The following GLDC variants were observed in gnomAD, a reference collection of about 807,000 sequenced individuals.
The protein encoded by GLDC is glycine decarboxylase.
Under a neutral mutation model 121.3 loss-of-function variants are expected in GLDC, and 104 were observed. That is an observed-to-expected ratio of 0.86 (90% CI 0.73 to 1.01). The LOEUF (loss-of-function observed/expected upper bound fraction) is 1.01, where lower values mean the gene tolerates loss of function less well. Ranked by LOEUF, GLDC falls within the 50% of genes least tolerant of loss-of-function variation. The pLI is 0.00. For synonymous variants in GLDC, 546 were observed against 480.6 expected (o/e 1.14, Z -1.78); for missense variants, 1,429 against 1,306.6 (o/e 1.09, Z -1.44).
At chr9:6,554,959 C>T (rs1817592177) in intron 18 of GLDC, 178 bp from the exon 19 acceptor site, 2 of 670,650 alleles carry the variant, frequency 3.0e-6, no homozygotes, top group Admixed American at 4.3e-5. Context: ...CACAAACTGG[C>T]ATCCGATAGG....
chr9:6,609,583 C>T (rs947160737), intron 4 of GLDC, among the ~76,000 whole-genome samples: 4 of 151,998 alleles, frequency 2.6e-5, no homozygotes, highest in Non-Finnish European at 5.9e-5. Context: ...GGGGGAGATC[C>T]TCACGTCTGA....
chr9:6,560,621 A>C (rs978411261), intron 16 of GLDC, among the ~76,000 whole-genome samples: 1 of 152,226 alleles, frequency 6.6e-6, no homozygotes, highest in African/African-American at 2.4e-5. Context: ...ATTGATAAGA[A>C]GGAGAAAGGG....
At chr9:6,645,108 C>G (rs1819714277) in intron 1 of GLDC, 137 bp downstream of exon 1, 8 of 861,792 alleles carry the variant, frequency 9.3e-6, no homozygotes, top group South Asian at 5.6e-5. Flanking sequence ...AATTTGCTTC[C>G]ACGCCACGGC....
At chr9:6,546,350 G>A (rs1239416080) in intron 21 of GLDC, among the ~76,000 whole-genome samples, 3 of 150,120 alleles carry the variant, frequency 2.0e-5, no homozygotes, top group Non-Finnish European at 4.4e-5. Context: ...GCACCACCAT[G>A]GTGGTTAATT....
chr9:6,585,491 G>T (rs1354964388), intron 15 of GLDC, among the ~76,000 whole-genome samples: 1 of 151,906 alleles, frequency 6.6e-6, no homozygotes, highest in African/African-American at 2.4e-5. Context: ...TATTTATGAA[G>T]TGAGACTTTA....
chr9:6,552,933 C>CCG (rs1216419043), intron 20 of GLDC, among the ~76,000 whole-genome samples: 1 of 151,566 alleles, frequency 6.6e-6, no homozygotes, highest in Admixed American at 6.6e-5. Flanking sequence ...CCTCTGGCCC[C>CCG]CCCCAAGAAA....
intron 9 of GLDC, among the ~76,000 whole-genome samples, chr9:6,594,250 T>C (rs1479267549): frequency 6.6e-6 from 1 of 152,212 alleles, no homozygotes; most frequent in African/African-American, 2.4e-5. Context: ...TTTATTTGTA[T>C]ACTTATTTCT....
chr9:6,645,113 C>G (rs933536391), intron 1 of GLDC, 132 bp downstream of exon 1: 2 of 912,590 alleles, frequency 2.2e-6, no homozygotes, highest in African/African-American at 3.4e-5. Flanking sequence ...GCTTCCACGC[C>G]ACGGCCCGGG....
At chr9:6,565,777 C>G (rs141495924) in intron 15 of GLDC, 2 of 511,946 alleles carry the variant, frequency 3.9e-6, no homozygotes, top group African/African-American at 3.8e-5. Flanking sequence ...GGAACTACGA[C>G]GTGTGTGTCA....
At chr9:6,553,239 T>C in intron 20 of GLDC, 129 bp downstream of exon 20, 1 of 822,684 alleles carries the variant, frequency 1.2e-6, no homozygotes, top group Non-Finnish European at 2.0e-6. Context: ...CCATCAGCAA[T>C]ATTCTTTGAA....
chr9:6,576,100 C>A lies in GLDC; in HGVS notation c.1851-10671G>T, dbSNP rs148754621. On this transcript the variant is annotated intron_variant, in intron 15 of 24. Coordinates refer to ENST00000321612, the MANE Select transcript of GLDC (RefSeq NM_000170.3). ...CAGACCAGTGAAGGCTTGGCTACAT[C>A]AAGCAAAGTTATCTTGACAAAATTT... Among the ~76,000 whole-genome samples the A allele has an allele frequency of 4.8e-3, 728 of 152,282 alleles. 2 individuals are homozygous for A. The highest frequency in any genetic ancestry group is 0.02 in the Middle Eastern group (6 of 294).
In GLDC at chr9:6,620,058, C is replaced by G. The variant is rs1182733653; in HGVS notation, c.470+126G>C. 6.6e-6 allele frequency: 6 copies of G among 903,090 alleles called. No individual in the cohort carries two copies. In the East Asian group the frequency reaches 1.4e-4, roughly 22 times the overall value. 55.9% of individuals were successfully genotyped at this position (903,090 alleles called of 1,614,324 possible). ...CAGAGAAACCCGGTAGGTTCCCGGA[C>G]ATTGGAGACAGCACTAGGAGGTGGG... On this transcript the variant is annotated intron_variant, in intron 3 of 24. Coordinates refer to ENST00000321612, the MANE Select transcript of GLDC (RefSeq NM_000170.3).
At chr9:6,586,150 C>A (rs1455583247) in intron 15 of GLDC, among the ~76,000 whole-genome samples, 2 of 152,036 alleles carry the variant, frequency 1.3e-5, no homozygotes, top group Non-Finnish European at 1.5e-5. Context: ...ACAAAATTAG[C>A]CAGGTGTGGT....
chr9:6,552,931 C>A (rs567121841), intron 20 of GLDC, among the ~76,000 whole-genome samples: 4 of 151,770 alleles, frequency 2.6e-5, no homozygotes, highest in South Asian at 2.1e-4. Context: ...CTCCTCTGGC[C>A]CCCCCCAAGA....
chr9:6,542,648 G>A lies in GLDC; in HGVS notation c.2570-2502C>T, dbSNP rs149128374. Among the ~76,000 whole-genome samples, 793 of 151,982 alleles carry A rather than the reference G, an allele frequency of 5.2e-3. 8 individuals are homozygous for A. Among genetic ancestry groups the A allele is most frequent in the African/African-American group, 0.019 (773 of 41,494 alleles). ...CACTTGTAATCCCAGCATTTCAGGA[G>A]ACCGAGGCAGGAAGATCGCTTGAGC... On this transcript the variant is annotated intron_variant, in intron 21 of 24. Coordinates refer to ENST00000321612, the MANE Select transcript of GLDC (RefSeq NM_000170.3).
rs1015795257 is a variant in GLDC, at chr9:6,626,484, G to A, written c.335-6165C>T. ...TCACTTGACAGAAGAAGAAACACAA[G>A]AACTAAGATGGTGCCTGCCACTGTG... is the stretch of plus-strand genomic sequence containing the variant. On this transcript the variant is annotated intron_variant, in intron 2 of 24. Coordinates refer to ENST00000321612, the MANE Select transcript of GLDC (RefSeq NM_000170.3). Among the ~76,000 whole-genome samples the A allele has an allele frequency of 5.3e-5, 8 of 152,122 alleles. No individual in the cohort carries two copies. The South Asian group carries it at 1.0e-3, about 20-fold the overall frequency.
intron 2 of GLDC, among the ~76,000 whole-genome samples, chr9:6,624,779 G>A (rs568833597): frequency 6.6e-6 from 1 of 152,106 alleles, no homozygotes; most frequent in African/African-American, 2.4e-5. Context: ...TTGAGGTCAA[G>A]GAGTTCAAGA....
At position 6,589,725 on chromosome 9, in the gene GLDC, C is replaced by T. The variant is rs1158779383; in HGVS notation, c.1483-433G>A. Among the ~76,000 whole-genome samples the T allele has an allele frequency of 3.9e-5, 6 of 151,976 alleles. No homozygotes were observed. The East Asian group carries it at 1.2e-3, about 29-fold the overall frequency. ...TACAGTCATGGGCCACTGAGCCTGG[C>T]CAAAGATGTAAATTTAAAAGCTAAA... is the stretch of plus-strand genomic sequence containing the variant. On this transcript the variant is annotated intron_variant, in intron 11 of 24. Transcript: ENST00000321612.
intron 20 of GLDC, among the ~76,000 whole-genome samples, chr9:6,552,230 T>C (rs1296078953): frequency 6.6e-6 from 1 of 152,176 alleles, no homozygotes; most frequent in Non-Finnish European, 1.5e-5. Flanking sequence ...TAAACCCTAC[T>C]TTATTTATTT....
Sources: gnomAD v4.1 joint callset for allele counts (sites outside exome capture counted in the v4.1 genomes callset) on GRCh38, gnomAD v4.1.1 for gene constraint, MANE v1.5 for transcripts, NCBI Gene and HGNC (gene_info 2026-07-23, HGNC 2026-07-21) for gene names.